Variants in USP2 observed in about 807,000 individuals in gnomAD.
USP2 encodes the protein ubiquitin carboxyl-terminal hydrolase 2.
In USP2, 33 loss-of-function variants were observed where a neutral mutation model predicts 72.0. The ratio of observed to expected loss-of-function variants is 0.46; its 90% CI spans 0.35 to 0.61. The LOEUF (loss-of-function observed/expected upper bound fraction) is 0.61. Ranked by LOEUF, USP2 falls within the 20% of genes least tolerant of loss-of-function variation. USP2 has a pLI of 0.01. For synonymous variants in USP2, 296 were observed against 312.5 expected (o/e 0.95, Z 0.56); for missense variants, 691 against 797.8 (o/e 0.87, Z 1.61).
Position 119,363,767 on chromosome 11 carries a change from G to A in USP2, c.775-3533C>T. 1.8e-6 allele frequency: 2 copies of A among 1,136,364 alleles called. 1 individual carries two copies. The highest frequency in any genetic ancestry group is 4.3e-5 in the South Asian group (2 of 46,484). 70.4% of individuals were successfully genotyped at this position (1,136,364 alleles called of 1,614,324 possible). On this transcript the variant is annotated intron_variant, in intron 2 of 12. Transcript: ENST00000260187. ...TGGGAAGAATCCGTCCCCTCACCTAGGGGCGCGTGGCGGGCAGAGGCCAGG... is the reference window on the plus strand; with the variant it reads ...TGGGAAGAATCCGTCCCCTCACCTAAGGGCGCGTGGCGGGCAGAGGCCAGG...
chr11:119,369,708 G>C (rs748599252), intron 2 of USP2, among the ~76,000 whole-genome samples: 3 of 152,144 alleles, frequency 2.0e-5, no homozygotes, highest in Non-Finnish European at 4.4e-5. Flanking sequence ...GGGCGTGATT[G>C]TTCCCTTTTA....
intron 2 of USP2, among the ~76,000 whole-genome samples, chr11:119,366,333 G>A (rs920621944): frequency 1.3e-5 from 2 of 152,222 alleles, no homozygotes; most frequent in Non-Finnish European, 2.9e-5. Context: ...ATTCTGGGAT[G>A]TACTTCCTGC....
At chr11:119,357,155 G>A in intron 12 of USP2, 32 bp downstream of exon 12, 1 of 1,611,216 alleles carries the variant, frequency 6.2e-7, no homozygotes, top group Non-Finnish European at 8.5e-7. Flanking sequence ...GGTGGCTACA[G>A]CCAGGGGCTC....
chr11:119,368,620 A>T (rs1290078457), intron 2 of USP2, among the ~76,000 whole-genome samples: 1 of 152,254 alleles, frequency 6.6e-6, no homozygotes, highest in Non-Finnish European at 1.5e-5. Flanking sequence ...GGACCCAGGT[A>T]TTCAGTTTCC....
intron 2 of USP2, 86 bp downstream of exon 2, chr11:119,372,621 A>G (rs1027496023): frequency 1.5e-6 from 2 of 1,307,012 alleles, no homozygotes; most frequent in South Asian, 1.6e-5. Context: ...GTCATCAGTC[A>G]GGTTGGGAGT....
chr11:119,361,452 T>C (rs1188730892), intron 2 of USP2, among the ~76,000 whole-genome samples: 3 of 152,120 alleles, frequency 2.0e-5, no homozygotes, highest in Admixed American at 6.5e-5. Context: ...GGGAGGGGAC[T>C]GGGAGCAGGC....
chr11:119,359,080 C>T lies in USP2; in HGVS notation c.1116G>A (p.Glu372=), dbSNP rs61760208. The T allele has an allele frequency of 7.1e-4, 1,142 of 1,614,066 alleles. 1 individual carries two copies. Among genetic ancestry groups the T allele is most frequent in the Non-Finnish European group, 8.7e-4 (1,029 of 1,180,034 alleles). ...TAGGTCTCAGTGTCACTCGGTTCAC[C>T]TCGTTATGGAGCCCATCCAGAAGAA... ...LRFLLDGLHN[E]VNRVTLRPKS... Residue 372 remains glutamate, a synonymous_variant, in exon 6 of 13, where the codon GAG becomes GAA. Transcript: ENST00000260187.
Position 119,373,098 on chromosome 11 carries a change from T to A in USP2, c.383A>T (p.Asn128Ile), listed in dbSNP as rs2135407477. 6.2e-7 allele frequency: 1 copy of A among 1,614,026 alleles called. No homozygotes were observed. Among genetic ancestry groups the A allele is most frequent in the East Asian group, 2.2e-5 (1 of 44,872 alleles). ...TNNCLSYLPINAYDQGVTLTQ... is the reference protein window; with the variant it reads ...TNNCLSYLPIIAYDQGVTLTQ... ...TAGGGTCACCCCCTGGTCATAGGCA[T>A]TGATGGGCAGGTAGCTGAGGCAGTT... is the stretch of plus-strand genomic sequence containing the variant. The change falls in exon 2 of 13, where the codon AAT becomes ATT. Residue 128 changes from asparagine (N) to isoleucine (I), a missense_variant. Physicochemically the swap from Asn to Ile is moderately radical, Grantham distance 149. Coordinates refer to ENST00000260187, the MANE Select transcript of USP2 (RefSeq NM_004205.5).
At chr11:119,371,278 G>A (rs986939968) in intron 2 of USP2, among the ~76,000 whole-genome samples, 3 of 152,056 alleles carry the variant, frequency 2.0e-5, no homozygotes, top group Non-Finnish European at 4.4e-5. Context: ...GAGCCCCTCC[G>A]AGGAGAGCCA....
In USP2 at chr11:119,360,168, G is replaced by T; in HGVS notation, c.825+16C>A. 3 of 1,612,756 alleles carry T rather than the reference G, an allele frequency of 1.9e-6. No individual in the cohort carries two copies. The highest frequency in any genetic ancestry group is 1.1e-5 in the South Asian group (1 of 90,830). On this transcript the variant is annotated intron_variant, in intron 3 of 12. Transcript: ENST00000260187. Reference sequence around the variant, plus strand: ...GGGGGTGGGCCTGGGGAAGAAGCAGGCCAGGAAAAACTCACCGTGTTCCCA... The same window carrying T: ...GGGGGTGGGCCTGGGGAAGAAGCAGTCCAGGAAAAACTCACCGTGTTCCCA...
chr11:119,373,586 C>T, intron 1 of USP2, 65 bp from the exon 2 acceptor site: 1 of 1,397,472 alleles, frequency 7.2e-7, no homozygotes, highest in Non-Finnish European at 9.4e-7. Context: ...CAGACCTGCT[C>T]CCCATCCTCA....
rs144635804 is a variant in USP2, at chr11:119,372,765, G to A, written c.716C>T (p.Thr239Met). 44 of 1,561,224 alleles carry A rather than the reference G, an allele frequency of 2.8e-5. No individual in the cohort carries two copies. The highest frequency in any genetic ancestry group is 1.7e-4 in the Middle Eastern group (1 of 5,804). ...RPIGRYTLWETGKGQAPGPSR... is the reference protein window; with the variant it reads ...RPIGRYTLWEMGKGQAPGPSR... Reference sequence around the variant, plus strand: ...GGGCCCAGGGGCCTGACCCTTTCCCGTCTCCCACAGCGTGTAGCGGCCAAT... The same window carrying A: ...GGGCCCAGGGGCCTGACCCTTTCCCATCTCCCACAGCGTGTAGCGGCCAAT... Residue 239 changes from threonine (T) to methionine (M), a missense_variant, in exon 2 of 13, where the codon ACG becomes ATG. Transcript: ENST00000260187.
chr11:119,359,045 G>A lies in USP2; in HGVS notation c.1151C>T (p.Pro384Leu). The A allele has an allele frequency of 2.5e-6, 4 of 1,614,068 alleles. No homozygotes were observed. The highest frequency in any genetic ancestry group is 3.4e-6 in the Non-Finnish European group (4 of 1,180,042). The change falls in exon 6 of 13, where the codon CCT (proline) becomes CTT (leucine). Residue 384 changes from proline (P) to leucine (L), a missense_variant. By Grantham distance (98) the Pro-to-Leu change is moderately conservative. Transcript: ENST00000260187. ...TTACGGAAGATGATCGAGGTTCTCA[G>A]GGTTGGACTTAGGTCTCAGTGTCAC... is the stretch of plus-strand genomic sequence containing the variant. ...NRVTLRPKSN[P>L]ENLDHLPDDE...
rs369391312 is a variant in USP2, at chr11:119,357,438, C to A, written c.1609+45G>T. Reference sequence around the variant, plus strand: ...TCCTCCTGCCCTCCCTCCGGCCTTGCACACCTGCGTCTTCATTCTGCCCTG... The same window carrying A: ...TCCTCCTGCCCTCCCTCCGGCCTTGAACACCTGCGTCTTCATTCTGCCCTG... On this transcript the variant is annotated intron_variant, in intron 11 of 12. Coordinates refer to ENST00000260187, the MANE Select transcript of USP2 (RefSeq NM_004205.5). 16 of 1,612,994 alleles carry A rather than the reference C, an allele frequency of 9.9e-6. 1 individual carries two copies. In the African/African-American group the frequency reaches 1.6e-4, roughly 16 times the overall value.
At chr11:119,370,802 C>T (rs1950915782) in intron 2 of USP2, among the ~76,000 whole-genome samples, 1 of 152,210 alleles carries the variant, frequency 6.6e-6, no homozygotes, top group Non-Finnish European at 1.5e-5. Context: ...CCAGGGCAAT[C>T]TGCCACTTCT....
chr11:119,375,533 G>A (rs888492441), intron 1 of USP2, among the ~76,000 whole-genome samples: 6 of 152,196 alleles, frequency 3.9e-5, no homozygotes, highest in Non-Finnish European at 8.8e-5. Flanking sequence ...GTCACACAGC[G>A]TTAGAGGGAA....
In USP2 at chr11:119,359,077, C is replaced by T. The variant is rs1950720012; in HGVS notation, c.1119G>A (p.Val373=). ...ACTTAGGTCTCAGTGTCACTCGGTT[C>T]ACCTCGTTATGGAGCCCATCCAGAA... ...RFLLDGLHNE[V]NRVTLRPKSN... The change falls in exon 6 of 13, where the codon GTG becomes GTA. Residue 373 remains valine (V), a synonymous_variant. Coordinates refer to ENST00000260187, the MANE Select transcript of USP2 (RefSeq NM_004205.5). 3.7e-6 allele frequency: 6 copies of T among 1,614,088 alleles called. No individual in the cohort carries two copies. Among genetic ancestry groups the T allele is most frequent in the Non-Finnish European group, 5.1e-6 (6 of 1,180,044 alleles).
chr11:119,372,841 G>A lies in USP2; in HGVS notation c.640C>T (p.Gln214Ter). ...RKGSASQVPS[Q>*]APPSRVPEII... ...TCAGGGACTCGTGAGGGAGGGGCCT[G>A]GGAGGGCACCTGAGATGCACTGCCC... Residue 214 changes from glutamine (Q) to a stop codon, truncating the protein, a stop_gained, in exon 2 of 13, where the codon CAG becomes TAG. Transcript: ENST00000260187. LOFTEE classifies it high-confidence loss of function. 1 of 1,608,358 alleles carries A rather than the reference G, an allele frequency of 6.2e-7. No homozygotes were observed. The highest frequency in any genetic ancestry group is 8.5e-7 in the Non-Finnish European group (1 of 1,177,734).
intron 2 of USP2, among the ~76,000 whole-genome samples, chr11:119,361,546 C>T (rs1305054057): frequency 6.6e-6 from 1 of 151,436 alleles, no homozygotes; most frequent in Non-Finnish European, 1.5e-5. Context: ...GCTAAAATTA[C>T]TCATGCCGTG....
Sources: gnomAD v4.1 joint callset for allele counts (sites outside exome capture counted in the v4.1 genomes callset) on GRCh38, gnomAD v4.1.1 for gene constraint, MANE v1.5 for transcripts, NCBI Gene and HGNC (gene_info 2026-07-23, HGNC 2026-07-21) for gene names.